DCDC1: variants seen among roughly 807,000 people sequenced by gnomAD.
DCDC1 encodes doublecortin domain containing 1, also known as doublecortin domain-containing protein 1.
A neutral mutation model predicts 178.3 loss-of-function variants in DCDC1; 200 were observed. The observed-to-expected ratio is 1.12, with a 90% CI of 1.00 to 1.26. The LOEUF (loss-of-function observed/expected upper bound fraction) is 1.26. Ranked by LOEUF, DCDC1 falls within the 50% of genes most tolerant of loss-of-function variation. DCDC1 has a pLI of 0.00. For synonymous variants in DCDC1, 690 were observed against 604.8 expected, an observed-to-expected ratio of 1.14 and a Z score of -2.07; for missense variants, 1,983 against 1,749.2, an observed-to-expected ratio of 1.13 and a Z score of -2.38.
intron 20 of DCDC1, among the ~76,000 whole-genome samples, chr11:30,987,655 G>A (rs1263252817): frequency 6.6e-6 from 1 of 152,136 alleles, no homozygotes; most frequent in African/African-American, 2.4e-5. Flanking sequence ...CTCATTTTAA[G>A]TATTTGGGGC....
At chr11:31,268,319 A>T (rs1945317015) in intron 7 of DCDC1, among the ~76,000 whole-genome samples, 1 of 152,156 alleles carries the variant, frequency 6.6e-6, no homozygotes. Flanking sequence ...TCAGTAATTT[A>T]AAAAAATTAT....
At chr11:31,034,855 C>T (rs890192375) in intron 20 of DCDC1, among the ~76,000 whole-genome samples, 4 of 152,034 alleles carry the variant, frequency 2.6e-5, no homozygotes, top group African/African-American at 9.7e-5. Flanking sequence ...TACAAAAAGT[C>T]ACCTTGTCTC....
intron 8 of DCDC1, among the ~76,000 whole-genome samples, chr11:31,261,243 GC>G (rs1444482877): frequency 6.6e-6 from 1 of 152,080 alleles, no homozygotes. Context: ...ACTCTGAGAT[GC>G]CTACCCAGGC....
At chr11:31,099,976 C>G (rs962258185) in intron 15 of DCDC1, among the ~76,000 whole-genome samples, 24 of 151,940 alleles carry the variant, frequency 1.6e-4, no homozygotes, top group African/African-American at 5.8e-4. Flanking sequence ...CTTGGCCTCC[C>G]AAAGTTCTTG....
intron 20 of DCDC1, among the ~76,000 whole-genome samples, chr11:31,059,055 T>C (rs1224719383): frequency 1.3e-5 from 2 of 152,056 alleles, no homozygotes; most frequent in Non-Finnish European, 2.9e-5. Context: ...AAATAAATAG[T>C]ACATCGTGAA....
At chr11:30,994,329 C>G (rs894980953) in intron 20 of DCDC1, among the ~76,000 whole-genome samples, 2 of 151,806 alleles carry the variant, frequency 1.3e-5, no homozygotes, top group Admixed American at 1.3e-4. Flanking sequence ...TCCGGAGACT[C>G]ACTCAGTAAC....
intron 9 of DCDC1, among the ~76,000 whole-genome samples, chr11:31,210,370 T>G (rs1972350357): frequency 1.3e-5 from 2 of 152,198 alleles, no homozygotes; most frequent in African/African-American, 4.8e-5. Flanking sequence ...ATTGACTGAA[T>G]GACTAATAGC....
rs771883133 is a variant in DCDC1 at position 30,903,643 on chromosome 11, G to T, written c.4349C>A (p.Ala1450Glu). The T allele has an allele frequency of 3.7e-6, 6 of 1,609,774 alleles. No individual in the cohort carries two copies. In the African/African-American group the frequency reaches 5.3e-5, roughly 14 times the overall value. The change falls in exon 32 of 39, where the codon GCA becomes GAA. Residue 1450 changes from alanine (A) to glutamate (E), a missense_variant. By Grantham distance (107) the Ala-to-Glu change is moderately radical. Transcript: ENST00000684477. The part of the protein sequence containing the change: ...ECTEQLGLAR[A>E]ASKVYTKDGT... ...ATCTTTGGTATATACTTTGGAGGCTGCTCTGGCAAGCCCAAGTTGTTCCGT... is the reference window on the plus strand; with the variant it reads ...ATCTTTGGTATATACTTTGGAGGCTTCTCTGGCAAGCCCAAGTTGTTCCGT...
chr11:30,965,622 C>T (rs1365942543), intron 20 of DCDC1, among the ~76,000 whole-genome samples: 1 of 131,780 alleles, frequency 7.6e-6, no homozygotes, highest in Non-Finnish European at 1.6e-5. Flanking sequence ...TTATTATACT[C>T]TAAGTTTTAG....
chr11:31,081,081 T>G (rs1443664996), intron 17 of DCDC1, among the ~76,000 whole-genome samples: 1 of 152,186 alleles, frequency 6.6e-6, no homozygotes, highest in East Asian at 1.9e-4. Flanking sequence ...GGCAACTGTG[T>G]GAGGGCAGAG....
intron 20 of DCDC1, among the ~76,000 whole-genome samples, chr11:31,009,603 A>C (rs1952053585): frequency 6.6e-6 from 1 of 152,082 alleles, no homozygotes; most frequent in African/African-American, 2.4e-5. Context: ...TGTAAGTCCT[A>C]GTGTGATGGC....
chr11:31,338,405 C>T (rs1324285043), intron 1 of DCDC1, among the ~76,000 whole-genome samples: 2 of 152,116 alleles, frequency 1.3e-5, no homozygotes, highest in Non-Finnish European at 2.9e-5. Flanking sequence ...TGGGGGTTCA[C>T]ATACATAATT....
At position 30,925,342 on chromosome 11, in the gene DCDC1, T is replaced by C; in HGVS notation, c.2964A>G (p.Ile988Met). 6.2e-7 allele frequency: 1 copy of C among 1,613,798 alleles called. No individual in the cohort carries two copies. Among genetic ancestry groups the C allele is most frequent in the Non-Finnish European group, 8.5e-7 (1 of 1,179,788 alleles). Reference sequence around the variant, plus strand: ...CTCTTTGCAGGTCTTTTAAGGCAAATATTTCCTTCCCCTTTTCATTGTACA... The same window carrying C: ...CTCTTTGCAGGTCTTTTAAGGCAAACATTTCCTTCCCCTTTTCATTGTACA... ...RRLYNEKGKE[I>M]FALKDLQRDE... The change falls in exon 23 of 39, where the codon ATA becomes ATG. Residue 988 changes from isoleucine to methionine, a missense_variant. Coordinates refer to ENST00000684477, the MANE Select transcript of DCDC1 (RefSeq NM_001387274.1).
intron 20 of DCDC1, among the ~76,000 whole-genome samples, chr11:30,987,217 A>G (rs753718957): frequency 3.3e-5 from 5 of 151,984 alleles, no homozygotes; most frequent in Non-Finnish European, 4.4e-5. Flanking sequence ...GGATTTCCCT[A>G]TGTTGGCCAG....
rs141775511 is a variant in DCDC1, at chr11:31,289,507, T to C, written c.960+1140A>G. Among the ~76,000 whole-genome samples, 3 of 152,058 alleles carry C rather than the reference T, an allele frequency of 2.0e-5. No individual in the cohort carries two copies. In the East Asian group the frequency reaches 5.8e-4, roughly 29 times the overall value. The stretch of plus-strand genomic sequence containing the variant: ...TAAAACCACCACAAAAATAAATAAA[T>C]GAAGAAGTAGATATTTTGATTAAAA... On this transcript the variant is annotated intron_variant, in intron 7 of 38. Coordinates refer to ENST00000684477, the MANE Select transcript of DCDC1 (RefSeq NM_001387274.1).
chr11:31,349,765 C>T (rs1950982914), intron 1 of DCDC1, among the ~76,000 whole-genome samples: 1 of 152,022 alleles, frequency 6.6e-6, no homozygotes, highest in Non-Finnish European at 1.5e-5. Context: ...CCTTGGGAGG[C>T]TGAGGCAGGA....
At chr11:30,870,779 A>G (rs1358671503) in intron 38 of DCDC1, among the ~76,000 whole-genome samples, 1 of 152,214 alleles carries the variant, frequency 6.6e-6, no homozygotes, top group African/African-American at 2.4e-5. Flanking sequence ...CTGCTTAGAA[A>G]ATAACATCAA....
At chr11:31,003,553 T>A (rs1035385714) in intron 20 of DCDC1, among the ~76,000 whole-genome samples, 4 of 152,166 alleles carry the variant, frequency 2.6e-5, no homozygotes, top group Non-Finnish European at 5.9e-5. Context: ...GAGGAGATAC[T>A]ATGACTGACC....
At chr11:31,144,115 AACTT>A (rs1272660424) in intron 9 of DCDC1, among the ~76,000 whole-genome samples, 1 of 152,118 alleles carries the variant, frequency 6.6e-6, no homozygotes, top group African/African-American at 2.4e-5. Flanking sequence ...CACTTAAAGA[AACTT>A]ACTTATTTTT....
Sources: allele counts gnomAD v4.1 joint callset (sites outside exome capture counted in the v4.1 genomes callset), GRCh38; gene constraint gnomAD v4.1.1; transcripts MANE v1.5; gene names NCBI Gene and HGNC (gene_info 2026-07-23, HGNC 2026-07-21).